The following SLC25A24 variants were observed in gnomAD, a reference collection of about 807,000 sequenced individuals.
The protein encoded by SLC25A24 is solute carrier family 25 member 24, also known as mitochondrial adenyl nucleotide antiporter SLC25A24.
SLC25A24 carries 49 observed loss-of-function variants against 60.7 expected under a neutral mutation model. That is an observed-to-expected ratio of 0.81 (90% CI 0.64 to 1.02). The LOEUF is 1.02. Ranked by LOEUF, SLC25A24 falls within the 50% of genes least tolerant of loss-of-function variation. SLC25A24 has a pLI of 0.00. For synonymous variants in SLC25A24, 202 were observed against 200.6 expected (o/e 1.01, Z -0.06); for missense variants, 564 against 586.3 (o/e 0.96, Z 0.39).
intron 3 of SLC25A24, among the ~76,000 whole-genome samples, chr1:108,161,926 T>C (rs780632060): frequency 6.6e-6 from 1 of 150,458 alleles, no homozygotes; most frequent in African/African-American, 2.4e-5. Context: ...TAGGTATATC[T>C]CCCAATGCCA....
chr1:108,153,008 T>C (rs987275430), intron 6 of SLC25A24, among the ~76,000 whole-genome samples: 1 of 152,128 alleles, frequency 6.6e-6, no homozygotes, highest in Non-Finnish European at 1.5e-5. Flanking sequence ...AAGATGACCA[T>C]GCATGGTGGC....
At chr1:108,167,598 T>A (rs977315562) in intron 3 of SLC25A24, among the ~76,000 whole-genome samples, 1 of 152,248 alleles carries the variant, frequency 6.6e-6, no homozygotes, top group Middle Eastern at 3.2e-3. Flanking sequence ...GAAAGGGAAC[T>A]CCCTGACCCC....
chr1:108,150,568 C>T (rs1000173289), intron 6 of SLC25A24, among the ~76,000 whole-genome samples: 2 of 152,234 alleles, frequency 1.3e-5, no homozygotes, highest in African/African-American at 4.8e-5. Context: ...CAGATCACAT[C>T]CTTTCTCAGG....
intron 3 of SLC25A24, among the ~76,000 whole-genome samples, chr1:108,176,115 A>T (rs950838076): frequency 7.2e-5 from 11 of 152,184 alleles, no homozygotes; most frequent in African/African-American, 2.7e-4. Flanking sequence ...ATACAAAGAA[A>T]CAATTCAATG....
Position 108,161,244 on chromosome 1 carries a change from A to C in SLC25A24, c.448T>G (p.Tyr150Asp). The change falls in exon 4 of 10, where the codon TAC (tyrosine) becomes GAC (aspartate). Residue 150 changes from tyrosine to aspartate, a missense_variant. Physicochemically the swap from Tyr to Asp is radical, Grantham distance 160. Transcript: ENST00000565488. ...TCTGTAACAGGATTAAATAAGAAGTAGTCTCTCCATTCATTCCAGTCCACT... is the reference window on the plus strand; with the variant it reads ...TCTGTAACAGGATTAAATAAGAAGTCGTCTCTCCATTCATTCCAGTCCACT... The part of the protein sequence containing the change: ...MTVDWNEWRD[Y>D]FLFNPVTDIE... 1 of 1,605,992 alleles carries C rather than the reference A, an allele frequency of 6.2e-7. No individual in the cohort carries two copies. The highest frequency in any genetic ancestry group is 1.3e-5 in the African/African-American group (1 of 74,890).
chr1:108,146,223 A>T (rs1351703902), intron 7 of SLC25A24, among the ~76,000 whole-genome samples: 1 of 151,994 alleles, frequency 6.6e-6, no homozygotes, highest in East Asian at 1.9e-4. Flanking sequence ...TTTGTGTATT[A>T]TTGGTTAATA....
rs892351465 is a variant in SLC25A24, at chr1:108,184,283, C to T, written c.310+1545G>A. On this transcript the variant is annotated intron_variant, in intron 2 of 9. Transcript: ENST00000565488. ...GGTAGCTCCATCTCTCAGCTACTGCCTGCCATAGCAGCACACAGACAATCT... is the reference window on the plus strand; with the variant it reads ...GGTAGCTCCATCTCTCAGCTACTGCTTGCCATAGCAGCACACAGACAATCT... 2.0e-5 allele frequency among the ~76,000 whole-genome samples: 3 copies of T among 152,208 alleles called. No homozygotes were observed. In the East Asian group the frequency reaches 5.8e-4, roughly 29 times the overall value.
intron 3 of SLC25A24, among the ~76,000 whole-genome samples, chr1:108,179,396 G>A (rs981678620): frequency 6.6e-6 from 1 of 152,132 alleles, no homozygotes; most frequent in Non-Finnish European, 1.5e-5. Flanking sequence ...GTATGTATGT[G>A]TGTGTATACA....
intron 3 of SLC25A24, among the ~76,000 whole-genome samples, chr1:108,176,389 G>C (rs935072104): frequency 2.0e-5 from 3 of 152,064 alleles, no homozygotes; most frequent in South Asian, 2.1e-4. Context: ...AGCATCAAAA[G>C]AGCAAAGTTT....
rs143785326 is a variant in SLC25A24 at position 108,200,222 on chromosome 1, G to A, written c.-84C>T. 20,075 of 1,300,634 alleles carry A rather than the reference G, an allele frequency of 0.015. 176 individuals carry two copies. The highest frequency in any genetic ancestry group is 0.016 in the Non-Finnish European group (15,915 of 1,001,418). 80.6% of individuals were successfully genotyped at this position (1,300,634 alleles called of 1,614,324 possible). A position where few individuals can be genotyped will look rare whatever the true frequency, so the allele number is the denominator to read the frequency against. On this transcript the variant is annotated 5_prime_UTR_variant, in exon 1 of 10. Coordinates refer to ENST00000565488, the MANE Select transcript of SLC25A24 (RefSeq NM_013386.5). ...GCGAGACCGGGACCAGCGCGAGGCC[G>A]GGCTGGGCGGGGCGCGCGGCGCAAC...
In SLC25A24 at chr1:108,183,070, A is replaced by C. The variant is rs539146439; in HGVS notation, c.311-1042T>G. ...CTCATGAGAATCCTAAGACTACTGT[A>C]CATGAAAAAGAATGAAACAAAACAA... On this transcript the variant is annotated intron_variant, in intron 2 of 9. Coordinates refer to ENST00000565488, the MANE Select transcript of SLC25A24 (RefSeq NM_013386.5). 3.9e-5 allele frequency among the ~76,000 whole-genome samples: 6 copies of C among 152,312 alleles called. No individual in the cohort carries two copies. The South Asian group carries it at 1.0e-3, about 26-fold the overall frequency.
At chr1:108,184,422 A>T (rs1648048331) in intron 2 of SLC25A24, among the ~76,000 whole-genome samples, 1 of 152,242 alleles carries the variant, frequency 6.6e-6, no homozygotes, top group African/African-American at 2.4e-5. Context: ...TTAGGGGCAT[A>T]TATTGTAAGG....
chr1:108,172,206 A>T (rs1160028017), intron 3 of SLC25A24, among the ~76,000 whole-genome samples: 1 of 152,212 alleles, frequency 6.6e-6, no homozygotes, highest in Non-Finnish European at 1.5e-5. Flanking sequence ...GCTACTTCAT[A>T]TCTACAGCTT....
chr1:108,152,831 T>C (rs993637889), intron 6 of SLC25A24, among the ~76,000 whole-genome samples: 1 of 152,190 alleles, frequency 6.6e-6, no homozygotes, highest in African/African-American at 2.4e-5. Flanking sequence ...AACGTCAGAA[T>C]TCAATGTGAA....
chr1:108,178,399 C>T (rs1647774037), intron 3 of SLC25A24, among the ~76,000 whole-genome samples: 1 of 152,228 alleles, frequency 6.6e-6, no homozygotes, highest in Admixed American at 6.5e-5. Flanking sequence ...AATACACATT[C>T]TTCTCAACTG....
At chr1:108,142,428 TACTC>T (rs1372244429) in intron 8 of SLC25A24, among the ~76,000 whole-genome samples, 1 of 152,210 alleles carries the variant, frequency 6.6e-6, no homozygotes. Flanking sequence ...AACGGAATAT[TACTC>T]AGCCATGAAA....
At chr1:108,180,861 T>C (rs1647901788) in intron 3 of SLC25A24, among the ~76,000 whole-genome samples, 1 of 152,248 alleles carries the variant, frequency 6.6e-6, no homozygotes, top group South Asian at 2.1e-4. Flanking sequence ...CTTAGTCTAT[T>C]CTGAAGCTTG....
intron 2 of SLC25A24, among the ~76,000 whole-genome samples, chr1:108,183,096 A>G: frequency 6.6e-6 from 1 of 152,192 alleles, no homozygotes; most frequent in South Asian, 2.1e-4. Flanking sequence ...AACAAAACAA[A>G]GTAAGAGAGG....
intron 4 of SLC25A24, among the ~76,000 whole-genome samples, chr1:108,158,754 G>A (rs1330075843): frequency 4.0e-5 from 6 of 149,510 alleles, no homozygotes; most frequent in Non-Finnish European, 7.4e-5. Context: ...TGTAATCCCA[G>A]CACTTTGGGA....
Sources: gnomAD v4.1 joint callset for allele counts (sites outside exome capture counted in the v4.1 genomes callset) on GRCh38, gnomAD v4.1.1 for gene constraint, MANE v1.5 for transcripts, NCBI Gene and HGNC (gene_info 2026-07-23, HGNC 2026-07-21) for gene names.